Variants in INO80 observed in about 807,000 individuals in gnomAD.
The protein encoded by INO80 is chromatin-remodeling ATPase INO80.
In INO80, 20 loss-of-function variants were observed where a neutral mutation model predicts 203.4. The observed-to-expected ratio is 0.10, with a 90% confidence interval of 0.07 to 0.14. INO80 has a LOEUF of 0.14. INO80 is among the 10% of genes least tolerant of loss of function. INO80 has a pLI of 1.00. For synonymous variants in INO80, 726 were observed against 685.2 expected (o/e 1.06, Z -0.93); for missense variants, 1,419 against 1,914.4 (o/e 0.74, Z 4.83).
At chr15:40,991,041 C>T (rs1361131353) in intron 29 of INO80, among the ~76,000 whole-genome samples, 2 of 151,986 alleles carry the variant, frequency 1.3e-5, no homozygotes, top group Non-Finnish European at 1.5e-5. Flanking sequence ...GGAGGGAGAG[C>T]CATATAATGA....
Position 41,049,408 on chromosome 15 carries a change from G to A in INO80, c.2455C>T (p.Pro819Ser), listed in dbSNP as rs1344857523. ...GTTTCTTGCCGTTCAAATAACTCCG[G>A]GTGATTACACACCTAAAAGGAAGGG... ...VMQFRKVCNH[P>S]ELFERQETWS... is the part of the protein sequence containing the mutation. The change falls in exon 21 of 36, where the codon CCG becomes TCG. Residue 819 changes from proline (P) to serine (S), a missense_variant. By Grantham distance (74) the Pro-to-Ser change is moderately conservative. Around this residue, in one of 9 missense-constraint regions of INO80, gnomAD observed 192 missense variants for 406.7 expected, o/e 0.47. Coordinates refer to ENST00000648947, the MANE Select transcript of INO80 (RefSeq NM_017553.3). 1 of 1,613,804 alleles carries A rather than the reference G, an allele frequency of 6.2e-7. No homozygotes were observed.
At chr15:41,090,291 T>C (rs551721754) in intron 5 of INO80, among the ~76,000 whole-genome samples, 78 of 152,190 alleles carry the variant, frequency 5.1e-4, no homozygotes, top group African/African-American at 1.6e-3. Context: ...ACAGAGCAGA[T>C]TGGGCTGGGG....
At chr15:41,078,878 C>T (rs796172473) in intron 9 of INO80, among the ~76,000 whole-genome samples, 1 of 152,154 alleles carries the variant, frequency 6.6e-6, no homozygotes, top group Non-Finnish European at 1.5e-5. Context: ...TGGTGGCTCA[C>T]GCCTGTAATC....
intron 5 of INO80, among the ~76,000 whole-genome samples, chr15:41,090,231 T>C (rs2045614941): frequency 6.6e-6 from 1 of 152,200 alleles, no homozygotes; most frequent in African/African-American, 2.4e-5. Context: ...CAGGCACATG[T>C]TGCATGATTG....
At chr15:41,054,280 T>C (rs961277122) in intron 18 of INO80, among the ~76,000 whole-genome samples, 2 of 152,208 alleles carry the variant, frequency 1.3e-5, no homozygotes, top group African/African-American at 4.8e-5. Flanking sequence ...TTATCACTAA[T>C]AGGGTTGTAA....
intron 19 of INO80, among the ~76,000 whole-genome samples, chr15:41,053,610 A>G (rs895287704): frequency 6.6e-6 from 1 of 152,224 alleles, no homozygotes; most frequent in African/African-American, 2.4e-5. Flanking sequence ...TTTATAAAAC[A>G]TCTGGGATTT....
At chr15:41,069,005 A>G (rs2045268549) in intron 14 of INO80, among the ~76,000 whole-genome samples, 1 of 152,254 alleles carries the variant, frequency 6.6e-6, no homozygotes, top group Non-Finnish European at 1.5e-5. Flanking sequence ...CAAATAAGGT[A>G]GATGTTTTCT....
chr15:40,993,670 A>C (rs1343802830), intron 29 of INO80, among the ~76,000 whole-genome samples: 1 of 152,124 alleles, frequency 6.6e-6, no homozygotes, highest in East Asian at 1.9e-4. Flanking sequence ...GAGGTGGGAG[A>C]ATCACTTGAA....
chr15:41,109,411 A>T (rs1029239194), intron 1 of INO80, among the ~76,000 whole-genome samples: 1 of 152,130 alleles, frequency 6.6e-6, no homozygotes, highest in East Asian at 1.9e-4. Flanking sequence ...AGATTGCCCC[A>T]CTGCACTACA....
Position 41,021,138 on chromosome 15 carries a change from A to G in INO80, c.3049-13T>C. 1 of 1,586,478 alleles carries G rather than the reference A, an allele frequency of 6.3e-7. No individual in the cohort carries two copies. Among genetic ancestry groups the G allele is most frequent in the South Asian group, 1.1e-5 (1 of 90,520 alleles). On this transcript the variant is annotated splice_polypyrimidine_tract_variant and intron_variant, in intron 25 of 35. Coordinates refer to ENST00000648947, the MANE Select transcript of INO80 (RefSeq NM_017553.3). ...GCACTGCGGTAACCTGCAGTTAAAG[A>G]TTCACATGAGATGGCTCTTTCACGT...
chr15:41,069,416 CACCTCA>C, intron 14 of INO80, 148 bp downstream of exon 14: 1 of 493,324 alleles, frequency 2.0e-6, no homozygotes, highest in South Asian at 3.2e-5. Flanking sequence ...GTGATCCACC[CACCTCA>C]ACCTCCCAAA....
intron 11 of INO80, among the ~76,000 whole-genome samples, chr15:41,073,080 G>A (rs192002079): frequency 6.6e-6 from 1 of 152,132 alleles, no homozygotes; most frequent in Non-Finnish European, 1.5e-5. Flanking sequence ...CGCCCGGTGA[G>A]TATGGTCTTT....
At chr15:41,004,370 T>C (rs964903626) in intron 28 of INO80, among the ~76,000 whole-genome samples, 1 of 152,242 alleles carries the variant, frequency 6.6e-6, no homozygotes, top group African/African-American at 2.4e-5. Context: ...GCTTTAGAAC[T>C]GAATGGAATT....
chr15:41,045,055 G>A lies in INO80; in HGVS notation c.2756C>T (p.Ser919Phe). ...ATGGAGCCTGTAGGAGGCTTTCAGA[G>A]ACAGGAAAAGAGCTAACCATCTGAA... ...LLARWLALFL[S>F]LKASYRLHQL... The change falls in exon 24 of 36, where the codon TCT (serine) becomes TTT (phenylalanine). Residue 919 changes from serine (S) to phenylalanine (F), a missense_variant. Ser to Phe is a radical substitution (Grantham distance 155). Coordinates refer to ENST00000648947, the MANE Select transcript of INO80 (RefSeq NM_017553.3). 1 of 1,605,838 alleles carries A rather than the reference G, an allele frequency of 6.2e-7. No individual in the cohort carries two copies. The highest frequency in any genetic ancestry group is 8.5e-7 in the Non-Finnish European group (1 of 1,177,880).
intron 23 of INO80, among the ~76,000 whole-genome samples, chr15:41,046,071 C>T (rs7182660): frequency 0.092 from 13,888 of 150,800 alleles, 724 homozygotes; most frequent in South Asian, 0.21. Flanking sequence ...CACCAGCCTC[C>T]GTTTGCCCTG....
At chr15:41,055,886 C>T (rs1436482116) in intron 17 of INO80, among the ~76,000 whole-genome samples, 1 of 151,946 alleles carries the variant, frequency 6.6e-6, no homozygotes, top group Non-Finnish European at 1.5e-5. Flanking sequence ...GATTGCATGG[C>T]CTCCAAACTC....
At chr15:41,096,802 T>C (rs1012721527) in intron 1 of INO80, among the ~76,000 whole-genome samples, 2 of 152,212 alleles carry the variant, frequency 1.3e-5, no homozygotes, top group African/African-American at 2.4e-5. Context: ...CCTCTTCATT[T>C]TGAATTCATA....
At position 40,984,631 on chromosome 15, in the gene INO80, AG is replaced by A. The variant is rs1320386737; in HGVS notation, c.3922-280del. ...CCCAGAAATTGGACCCCAGCTCAAA[AG>A]AAAAAAAAAAAAAAGAGCTTATGAA... On this transcript the variant is annotated intron_variant, in intron 32 of 35. Transcript: ENST00000648947. Among the ~76,000 whole-genome samples, 471 of 114,344 alleles carry A rather than the reference AG, an allele frequency of 4.1e-3. 3 individuals carry two copies. Among genetic ancestry groups the A allele is most frequent in the South Asian group, 0.016 (56 of 3,558 alleles). 75.0% of individuals were successfully genotyped at this position (114,344 alleles called of 152,430 possible).
intron 28 of INO80, among the ~76,000 whole-genome samples, chr15:41,002,311 T>C (rs940618572): frequency 1.3e-5 from 2 of 152,220 alleles, no homozygotes; most frequent in African/African-American, 4.8e-5. Context: ...ATGGTGAAAA[T>C]GCCACTCTTT....
Sources: gnomAD v4.1 joint callset for allele counts (sites outside exome capture counted in the v4.1 genomes callset) on GRCh38, gnomAD v4.1.1 for gene constraint, gnomAD v4.1.1 regional missense constraint, MANE v1.5 for transcripts, NCBI Gene and HGNC (gene_info 2026-07-23, HGNC 2026-07-21) for gene names.